Variants in OR2L13 observed in about 807,000 individuals in gnomAD.
The protein encoded by OR2L13 is olfactory receptor family 2 subfamily L member 13, also known as olfactory receptor 2L13.
In OR2L13, 14 loss-of-function variants were observed where a neutral mutation model predicts 15.3. The observed-to-expected ratio is 0.91, with a 90% confidence interval of 0.60 to 1.43. The LOEUF (loss-of-function observed/expected upper bound fraction) is 1.43. OR2L13 is among the 40% of genes most tolerant of loss of function. The probability of loss-of-function intolerance (pLI) is 0.00; values close to 1 mark genes in which losing one functional copy is unlikely to be tolerated. For missense variants in OR2L13, 367 were observed against 387.9 expected (o/e 0.95, Z 0.45); for synonymous variants, 152 against 142.9 (o/e 1.06, Z -0.45).
chr1:247,993,088 C>G, the OR2L13 span, among the ~76,000 whole-genome samples: 12 of 152,140 alleles, frequency 7.9e-5, no homozygotes, highest in Admixed American at 7.9e-4. Flanking sequence ...AAAATGGTCT[C>G]TCATTGTGGC....
At chr1:248,055,330 T>C in the OR2L13 span, among the ~76,000 whole-genome samples, 1 of 152,220 alleles carries the variant, frequency 6.6e-6, no homozygotes, top group Non-Finnish European at 1.5e-5. Flanking sequence ...TGCTGCTGGA[T>C]TCAATTTGTC....
At chr1:247,948,214 T>TA in the OR2L13 span, among the ~76,000 whole-genome samples, 5,683 of 150,850 alleles carry the variant, frequency 0.038, 116 homozygotes, top group African/African-American at 0.059. Context: ...CCCTGTCACT[T>TA]AAAAAAAAAG....
At chr1:248,060,739 T>C in the OR2L13 span, 2 of 1,614,112 alleles carry the variant, frequency 1.2e-6, no homozygotes, top group Non-Finnish European at 1.7e-6. Context: ...CTTCCCACCA[T>C]CAAGAATTGG....
chr1:248,003,452 G>A, the OR2L13 span: 64 of 1,608,344 alleles, frequency 4.0e-5, no homozygotes, highest in Middle Eastern at 4.9e-4. Flanking sequence ...GACTTTAGCC[G>A]TTGTAGAAGC....
the OR2L13 span, chr1:248,061,663 A>G: frequency 6.7e-7 from 1 of 1,496,862 alleles, no homozygotes; most frequent in South Asian, 1.2e-5. Flanking sequence ...ATACACATCC[A>G]TCCAGCAGTG....
chr1:248,038,192 C>T, the OR2L13 span: 1 of 1,038,506 alleles, frequency 9.6e-7, no homozygotes, highest in Non-Finnish European at 1.4e-6. Context: ...GTAATGCAGC[C>T]ACTGTGGATA....
the OR2L13 span, among the ~76,000 whole-genome samples, chr1:247,970,963 G>A: frequency 6.6e-6 from 1 of 152,110 alleles, no homozygotes; most frequent in Admixed American, 6.6e-5. Flanking sequence ...CCAATTTGTT[G>A]TTTGGGAGAT....
chr1:248,091,371 A>C (rs951480432), upstream of OR2L13, among the ~76,000 whole-genome samples: 2 of 152,068 alleles, frequency 1.3e-5, no homozygotes, highest in African/African-American at 4.8e-5. Flanking sequence ...TCCTATGTCC[A>C]GAATGACATT....
chr1:248,013,223 A>G, the OR2L13 span, among the ~76,000 whole-genome samples: 1 of 152,192 alleles, frequency 6.6e-6, no homozygotes, highest in Non-Finnish European at 1.5e-5. Context: ...AAATTGGGAA[A>G]GAAATTAATA....
chr1:248,006,650 A>G, the OR2L13 span, among the ~76,000 whole-genome samples: 1 of 151,984 alleles, frequency 6.6e-6, no homozygotes, highest in African/African-American at 2.4e-5. Flanking sequence ...TTAACCCTCA[A>G]TGTGATAATA....
the OR2L13 span, among the ~76,000 whole-genome samples, chr1:248,055,270 G>A: frequency 6.6e-6 from 1 of 152,186 alleles, no homozygotes; most frequent in Non-Finnish European, 1.5e-5. Context: ...CAACCAGCTT[G>A]CATCCAGGGG....
chr1:248,021,919 C>A, the OR2L13 span: 4 of 1,564,024 alleles, frequency 2.6e-6, no homozygotes, highest in Admixed American at 3.4e-5. Flanking sequence ...CCTTGTGTCT[C>A]CCTTCAGGAA....
the OR2L13 span, among the ~76,000 whole-genome samples, chr1:248,017,040 C>T: frequency 2.6e-5 from 4 of 152,204 alleles, no homozygotes; most frequent in Non-Finnish European, 1.5e-5. Context: ...TGATGCCTCC[C>T]GGGTTGAAGT....
the OR2L13 span, chr1:248,003,815 T>G: frequency 1.1e-5 from 17 of 1,613,734 alleles, no homozygotes; most frequent in Admixed American, 2.8e-4. Flanking sequence ...CCACATGAAA[T>G]CTGCAGAAGG....
chr1:248,002,634 G>A, the OR2L13 span, among the ~76,000 whole-genome samples: 22 of 152,178 alleles, frequency 1.4e-4, no homozygotes, highest in African/African-American at 4.6e-4. Flanking sequence ...CCAGGTGGGA[G>A]GATCACGAGG....
the OR2L13 span, among the ~76,000 whole-genome samples, chr1:248,069,310 G>A: frequency 0.041 from 6,197 of 152,128 alleles, 418 homozygotes; most frequent in African/African-American, 0.14. Context: ...AGAGAGTGGG[G>A]GCCAATATTC....
At chr1:248,053,494 G>C in the OR2L13 span, among the ~76,000 whole-genome samples, 1 of 152,146 alleles carries the variant, frequency 6.6e-6, no homozygotes, top group Admixed American at 6.5e-5. Context: ...CGGATCAAAT[G>C]GTATTTCCAG....
chr1:248,033,545 TC>T, the OR2L13 span, among the ~76,000 whole-genome samples: 1 of 151,408 alleles, frequency 6.6e-6, no homozygotes, highest in Non-Finnish European at 1.5e-5. Flanking sequence ...CAAGCAACCC[TC>T]CCATCTCAAG....
the OR2L13 span, among the ~76,000 whole-genome samples, chr1:248,082,134 T>C: frequency 0.97 from 137,380 of 141,088 alleles, 67,017 homozygotes; most frequent in East Asian, 1. Context: ...AAATGTGGCA[T>C]ATATACACCA....
Sources: allele counts gnomAD v4.1 joint callset (sites outside exome capture counted in the v4.1 genomes callset), GRCh38; gene constraint gnomAD v4.1.1; transcripts MANE v1.5; gene names NCBI Gene and HGNC (gene_info 2026-07-23, HGNC 2026-07-21).